Variants in SEL1L2 observed in about 807,000 individuals in gnomAD.
The protein encoded by SEL1L2 is protein sel-1 homolog 2.
In SEL1L2, 89 loss-of-function variants were observed where a neutral mutation model predicts 98.8. That is an observed-to-expected ratio of 0.90 (90% CI 0.76 to 1.07). The LOEUF (loss-of-function observed/expected upper bound fraction) is 1.07, where lower values mean the gene tolerates loss of function less well. Ranked by LOEUF, SEL1L2 falls within the 50% of genes least tolerant of loss-of-function variation. The pLI is 0.00. For synonymous variants in SEL1L2, 262 were observed against 278.5 expected (o/e 0.94, Z 0.59); for missense variants, 788 against 812.0 (o/e 0.97, Z 0.36).
intron 8 of SEL1L2, among the ~76,000 whole-genome samples, chr20:13,887,168 G>T (rs537936407): frequency 6.6e-6 from 1 of 152,172 alleles, no homozygotes; most frequent in African/African-American, 2.4e-5. Context: ...CTAACAAAGT[G>T]TGCAGTTTGA....
intron 5 of SEL1L2, among the ~76,000 whole-genome samples, chr20:13,903,864 C>T (rs2047798330): frequency 1.3e-5 from 2 of 152,116 alleles, no homozygotes; most frequent in South Asian, 2.1e-4. Flanking sequence ...AGAATCCCGT[C>T]GAGTATTTCA....
chr20:13,946,519 G>T (rs1569019759), intron 2 of SEL1L2, among the ~76,000 whole-genome samples: 1 of 152,238 alleles, frequency 6.6e-6, no homozygotes, highest in Non-Finnish European at 1.5e-5. Context: ...GATGATGGTG[G>T]TGGCCCACCT....
At chr20:13,877,797 T>C (rs1284866504) in intron 10 of SEL1L2, among the ~76,000 whole-genome samples, 1 of 152,196 alleles carries the variant, frequency 6.6e-6, no homozygotes, top group African/African-American at 2.4e-5. Flanking sequence ...TGGGAGAGTG[T>C]CTATATCTCT....
chr20:13,907,911 G>A (rs1278735611), intron 5 of SEL1L2, among the ~76,000 whole-genome samples: 2 of 150,256 alleles, frequency 1.3e-5, no homozygotes, highest in Non-Finnish European at 3.0e-5. Context: ...GGGACTACAG[G>A]CACATCCCGG....
At chr20:13,859,156 T>A in intron 18 of SEL1L2, 106 bp downstream of exon 18, 1 of 1,081,612 alleles carries the variant, frequency 9.2e-7, no homozygotes, top group South Asian at 1.5e-5. Flanking sequence ...AGTCCTCTCC[T>A]TCCTTCCTCT....
At chr20:13,926,057 G>A (rs747739533) in intron 3 of SEL1L2, among the ~76,000 whole-genome samples, 1 of 152,200 alleles carries the variant, frequency 6.6e-6, no homozygotes, top group Admixed American at 6.5e-5. Flanking sequence ...CGTGGCTCAC[G>A]CCTGTAATCC....
At chr20:13,923,517 C>CCAG (rs1179322459) in intron 3 of SEL1L2, among the ~76,000 whole-genome samples, 1 of 152,054 alleles carries the variant, frequency 6.6e-6, no homozygotes, top group Non-Finnish European at 1.5e-5. Flanking sequence ...ACCTGTAATC[C>CCAG]CAGCACTTTG....
intron 2 of SEL1L2, among the ~76,000 whole-genome samples, chr20:13,942,878 C>T (rs2049842625): frequency 6.6e-6 from 1 of 152,086 alleles, no homozygotes; most frequent in Non-Finnish European, 1.5e-5. Flanking sequence ...GAGATGTTTA[C>T]ATTGAAGCAA....
At chr20:13,870,321 G>A in intron 12 of SEL1L2, 118 bp from the exon 13 acceptor site, 1 of 707,850 alleles carries the variant, frequency 1.4e-6, no homozygotes, top group Non-Finnish European at 2.5e-6. Flanking sequence ...CAAGGCAGTT[G>A]GCAGGTTATT....
intron 4 of SEL1L2, chr20:13,915,132 G>A (rs958221864): frequency 4.7e-6 from 6 of 1,289,604 alleles, no homozygotes; most frequent in South Asian, 3.7e-5. Flanking sequence ...TTTATGTACA[G>A]CCCATCCATG....
intron 8 of SEL1L2, among the ~76,000 whole-genome samples, chr20:13,886,994 C>CA (rs2046985696): frequency 1.3e-5 from 2 of 152,010 alleles, no homozygotes; most frequent in African/African-American, 4.8e-5. Context: ...AAGATCTTGA[C>CA]CAAAAAGACT....
chr20:13,990,492 C>T lies in SEL1L2; in HGVS notation c.43G>A (p.Gly15Arg), dbSNP rs749092101. Residue 15 changes from glycine to arginine, a missense_variant, in exon 1 of 20, where the codon GGG becomes AGG. By Grantham distance (125) the Gly-to-Arg change is moderately radical. Coordinates refer to ENST00000284951, the MANE Select transcript of SEL1L2 (RefSeq NM_025229.2). The stretch of plus-strand genomic sequence containing the variant: ...AAAAACTTACTTTTAATTGTGACCC[C>T]AAGAATTATCAATATCTCTATTAAC... ...SLLIEILIIL[G>R]VTIKTIKAEE... 1.2e-6 allele frequency: 2 copies of T among 1,612,204 alleles called. No homozygotes were observed. Among genetic ancestry groups the T allele is most frequent in the Non-Finnish European group, 1.7e-6 (2 of 1,178,470 alleles).
At chr20:13,943,953 A>AAG (rs61248158) in intron 2 of SEL1L2, among the ~76,000 whole-genome samples, 2,334 of 151,928 alleles carry the variant, frequency 0.015, 60 homozygotes, top group African/African-American at 0.054. Context: ...GGAACCAATT[A>AAG]AGAGAGAGAG....
chr20:13,883,109 C>A (rs1314772124), intron 10 of SEL1L2, among the ~76,000 whole-genome samples: 1 of 152,102 alleles, frequency 6.6e-6, no homozygotes, highest in Non-Finnish European at 1.5e-5. Flanking sequence ...CGTGAGCCAC[C>A]GCGCCTGGCC....
intron 18 of SEL1L2, among the ~76,000 whole-genome samples, chr20:13,852,343 T>G (rs1472980043): frequency 2.0e-5 from 3 of 152,102 alleles, no homozygotes; most frequent in African/African-American, 7.2e-5. Context: ...GCAGTGTGTG[T>G]GGGGCTGGGG....
intron 1 of SEL1L2, among the ~76,000 whole-genome samples, chr20:13,984,803 CT>C (rs1274318905): frequency 6.8e-6 from 1 of 147,080 alleles, no homozygotes; most frequent in Non-Finnish European, 1.5e-5. Flanking sequence ...ATTTTTTTTG[CT>C]TTTTTCATTT....
Position 13,888,444 on chromosome 20 carries a change from C to T in SEL1L2, c.603+15G>A, listed in dbSNP as rs191400998. 3.2e-5 allele frequency: 49 copies of T among 1,508,838 alleles called. No homozygotes were observed. The African/African-American group carries it at 5.8e-4, about 18-fold the overall frequency. 93.5% of individuals were successfully genotyped at this position (1,508,838 alleles called of 1,614,324 possible). A position where few individuals can be genotyped will look rare whatever the true frequency, so the allele number is the denominator to read the frequency against. On this transcript the variant is annotated intron_variant, in intron 6 of 19. Transcript: ENST00000284951. ...AAATCAATTTTGTTCCAGAATAAAA[C>T]AGAATGATCTTTACCTTAGCTTGAT... is the stretch of plus-strand genomic sequence containing the variant.
chr20:13,899,712 A>G (rs897605061), intron 5 of SEL1L2, among the ~76,000 whole-genome samples: 4 of 152,202 alleles, frequency 2.6e-5, no homozygotes, highest in African/African-American at 9.6e-5. Flanking sequence ...AAGTTTCAAC[A>G]TGGATTTTGG....
At chr20:13,906,297 T>C (rs1284539104) in intron 5 of SEL1L2, among the ~76,000 whole-genome samples, 1 of 152,214 alleles carries the variant, frequency 6.6e-6, no homozygotes, top group African/African-American at 2.4e-5. Flanking sequence ...TACTTCAAAG[T>C]AAATTACTCA....
Sources: gnomAD v4.1 joint callset for allele counts (sites outside exome capture counted in the v4.1 genomes callset) on GRCh38, gnomAD v4.1.1 for gene constraint, MANE v1.5 for transcripts, NCBI Gene and HGNC (gene_info 2026-07-23, HGNC 2026-07-21) for gene names.